MYO3A: variants seen among roughly 807,000 people sequenced by gnomAD.
MYO3A encodes myosin-IIIa.
In MYO3A, 180 loss-of-function variants were observed where a neutral mutation model predicts 192.7. That is an observed-to-expected ratio of 0.93 (90% confidence interval 0.83 to 1.06). The LOEUF (loss-of-function observed/expected upper bound fraction) is 1.06. Ranked by LOEUF, MYO3A falls within the 50% of genes least tolerant of loss-of-function variation. MYO3A has a pLI of 0.00. For synonymous variants in MYO3A, 628 were observed against 645.3 expected, an observed-to-expected ratio of 0.97 and a Z score of 0.41; for missense variants, 1,896 against 1,905.0, an observed-to-expected ratio of 1.00 and a Z score of 0.09.
intron 10 of MYO3A, among the ~76,000 whole-genome samples, chr10:26,061,200 A>T (rs1322093460): frequency 1.3e-5 from 2 of 152,188 alleles, no homozygotes; most frequent in African/African-American, 2.4e-5. Flanking sequence ...AAGTGCTGGG[A>T]TTACAGGTGT....
chr10:26,085,848 T>G (rs999287478), intron 14 of MYO3A, among the ~76,000 whole-genome samples: 2 of 152,220 alleles, frequency 1.3e-5, no homozygotes, highest in African/African-American at 2.4e-5. Context: ...CTGTCCTTCC[T>G]TCCTGCTTGT....
chr10:26,125,857 G>A lies in MYO3A; in HGVS notation c.2114+249G>A, dbSNP rs575363961. ...CAACATAAATAACACAATAGAAAGT[G>A]AATTCTTAAAATGTGATATCTTACT... is the stretch of plus-strand genomic sequence containing the variant. On this transcript the variant is annotated intron_variant, in intron 19 of 34. Coordinates refer to ENST00000642920, the MANE Select transcript of MYO3A (RefSeq NM_017433.5). Among the ~76,000 whole-genome samples, 4 of 152,146 alleles carry A rather than the reference G, an allele frequency of 2.6e-5. No individual in the cohort carries two copies. In the East Asian group the frequency reaches 7.7e-4, roughly 29 times the overall value.
At chr10:25,959,296 T>G (rs889937458) in intron 4 of MYO3A, among the ~76,000 whole-genome samples, 10 of 152,200 alleles carry the variant, frequency 6.6e-5, no homozygotes, top group African/African-American at 2.4e-4. Context: ...TAACTTCAGA[T>G]AGTTTTAATC....
intron 28 of MYO3A, among the ~76,000 whole-genome samples, chr10:26,169,319 C>A (rs1171743516): frequency 6.6e-6 from 1 of 152,128 alleles, no homozygotes; most frequent in Non-Finnish European, 1.5e-5. Context: ...TATAACCATA[C>A]TTTACTTCAC....
chr10:25,947,399 T>C (rs1020640982), intron 2 of MYO3A, among the ~76,000 whole-genome samples: 5 of 136,382 alleles, frequency 3.7e-5, no homozygotes, highest in African/African-American at 2.6e-5. Context: ...CTTTTTTTTT[T>C]TTTTTTTTTT....
intron 20 of MYO3A, among the ~76,000 whole-genome samples, chr10:26,133,442 C>T (rs967805558): frequency 6.6e-6 from 1 of 152,202 alleles, no homozygotes; most frequent in South Asian, 2.1e-4. Context: ...CAGACGGCCT[C>T]TCAGGCTCTG....
rs748764602 is a variant in MYO3A, at chr10:25,954,954, G to T, written c.249G>T (p.Gly83=). 5.0e-6 allele frequency: 8 copies of T among 1,612,730 alleles called. No homozygotes were observed. ...SDHPNVVRFY[G]IYFKKDKVNG... is the part of the protein sequence containing the mutation. ...ACCCTAATGTGGTCAGATTCTATGG[G>T]ATATACTTTAAGAAGGATAAAGTAA... The change falls in exon 4 of 35, where the codon GGG becomes GGT. Residue 83 remains glycine, a synonymous_variant. Transcript: ENST00000642920.
chr10:26,126,674 T>C (rs1419220187), intron 19 of MYO3A, among the ~76,000 whole-genome samples: 1 of 152,106 alleles, frequency 6.6e-6, no homozygotes, highest in Non-Finnish European at 1.5e-5. Context: ...TTCCAGAAAA[T>C]GTAGGCAAGA....
intron 14 of MYO3A, among the ~76,000 whole-genome samples, chr10:26,077,684 T>C (rs1242123064): frequency 6.6e-6 from 1 of 152,168 alleles, no homozygotes; most frequent in Non-Finnish European, 1.5e-5. Context: ...TATGCTAATT[T>C]TTCTGAGAGT....
intron 22 of MYO3A, among the ~76,000 whole-genome samples, chr10:26,146,822 C>T (rs1207921099): frequency 3.3e-5 from 5 of 150,854 alleles, no homozygotes; most frequent in South Asian, 4.2e-4. Context: ...TTTAAAAAGT[C>T]GTAAAATTGG....
chr10:26,055,790 G>GACTGAGGCACTTTTA (rs1311046826), intron 10 of MYO3A, among the ~76,000 whole-genome samples: 7 of 152,200 alleles, frequency 4.6e-5, no homozygotes, highest in Non-Finnish European at 2.9e-5. Flanking sequence ...CACTTGTGAA[G>GACTGAGGCACTTTTA]ATCACAGTTG....
chr10:26,173,709 GAA>G lies in MYO3A; in HGVS notation c.3447_3448del (p.Arg1150IlefsTer7), dbSNP rs764507216. On this transcript the variant is annotated frameshift_variant, in exon 30 of 35. Transcript: ENST00000642920. LOFTEE classifies it high-confidence loss of function. ...KQAENAISANERFISAPNNKG... is the reference protein window; with the variant it reads ...KQAENAISANXRFISAPNNKG... The stretch of plus-strand genomic sequence containing the variant: ...AGCAGAAAATGCAATCTCTGCTAAT[GAA>G]AGATTCATTTCAGCTCCAAATAATA... 34 of 1,613,970 alleles carry G rather than the reference GAA, an allele frequency of 2.1e-5. No homozygotes were observed. The highest frequency in any genetic ancestry group is 2.9e-5 in the Non-Finnish European group (34 of 1,179,942).
chr10:26,194,312 T>C (rs1843297032), intron 32 of MYO3A, among the ~76,000 whole-genome samples: 1 of 152,162 alleles, frequency 6.6e-6, no homozygotes, highest in Non-Finnish European at 1.5e-5. Flanking sequence ...CCTGATTCCT[T>C]CCAAGGCCTT....
chr10:25,976,325 G>A (rs572716811), intron 4 of MYO3A, among the ~76,000 whole-genome samples: 33 of 152,266 alleles, frequency 2.2e-4, no homozygotes, highest in African/African-American at 7.7e-4. Context: ...GTGAAAACGG[G>A]AATGAATATT....
At chr10:26,140,103 C>T (rs955554314) in intron 20 of MYO3A, among the ~76,000 whole-genome samples, 2 of 152,112 alleles carry the variant, frequency 1.3e-5, no homozygotes, top group African/African-American at 4.8e-5. Flanking sequence ...GAGGTGAGAC[C>T]TGAATGATGA....
intron 7 of MYO3A, among the ~76,000 whole-genome samples, chr10:26,020,289 T>G (rs1842235863): frequency 6.6e-6 from 1 of 152,230 alleles, no homozygotes; most frequent in African/African-American, 2.4e-5. Flanking sequence ...TTCTTTTTAC[T>G]TTTTAATCAC....
intron 4 of MYO3A, among the ~76,000 whole-genome samples, chr10:25,967,103 A>T (rs1838311168): frequency 6.6e-6 from 1 of 152,224 alleles, no homozygotes; most frequent in Non-Finnish European, 1.5e-5. Context: ...TGTGCAGAGA[A>T]GAGGAAGTTA....
At chr10:26,181,617 A>G (rs1280809927) in intron 31 of MYO3A, among the ~76,000 whole-genome samples, 1 of 152,178 alleles carries the variant, frequency 6.6e-6, no homozygotes, top group African/African-American at 2.4e-5. Context: ...GAGTAAAAAA[A>G]ATAAAAAGTC....
At chr10:26,035,735 A>G (rs1842995853) in intron 10 of MYO3A, among the ~76,000 whole-genome samples, 1 of 152,170 alleles carries the variant, frequency 6.6e-6, no homozygotes, top group South Asian at 2.1e-4. Flanking sequence ...TCTTTTACTA[A>G]TTTCTCTTTT....
Sources: allele counts gnomAD v4.1 joint callset (sites outside exome capture counted in the v4.1 genomes callset), GRCh38; gene constraint gnomAD v4.1.1; transcripts MANE v1.5; gene names NCBI Gene and HGNC (gene_info 2026-07-23, HGNC 2026-07-21).